PCDHGA12: variants seen among roughly 807,000 people sequenced by gnomAD.
PCDHGA12 encodes the protein protocadherin gamma-A12.
Under a neutral mutation model 61.1 loss-of-function variants are expected in PCDHGA12, and 43 were observed. The observed-to-expected ratio is 0.70, with a 90% CI of 0.55 to 0.91. The LOEUF is 0.91. Ranked by LOEUF, PCDHGA12 falls within the 40% of genes least tolerant of loss-of-function variation. PCDHGA12 has a pLI of 0.00. For missense variants in PCDHGA12, 1,236 were observed against 1,227.7 expected (o/e 1.01, Z -0.10); for synonymous variants, 520 against 542.9 (o/e 0.96, Z 0.59).
At position 141,511,181 on chromosome 5, in the gene PCDHGA12, G is replaced by A. The variant is rs1301391138; in HGVS notation, c.*8G>A. On this transcript the variant is annotated 3_prime_UTR_variant, in exon 4 of 4. Transcript: ENST00000252085. Reference sequence around the variant, plus strand: ...AAGAAGGAGAAGAAGTAACATGGAGGCCAGGCCAAGAGCCACAGGGCGGCC... The same window carrying A: ...AAGAAGGAGAAGAAGTAACATGGAGACCAGGCCAAGAGCCACAGGGCGGCC... 6.2e-7 allele frequency: 1 copy of A among 1,614,016 alleles called. No homozygotes were observed. The highest frequency in any genetic ancestry group is 1.7e-5 in the Admixed American group (1 of 60,016).
At chr5:141,503,936 C>G (rs2099834285) in intron 2 of PCDHGA12, among the ~76,000 whole-genome samples, 1 of 152,186 alleles carries the variant, frequency 6.6e-6, no homozygotes, top group Non-Finnish European at 1.5e-5. Flanking sequence ...CATTTTCATG[C>G]CTTCAAGGCC....
At chr5:141,452,742 G>C (rs779371001) in intron 1 of PCDHGA12, among the ~76,000 whole-genome samples, 7 of 152,010 alleles carry the variant, frequency 4.6e-5, no homozygotes, top group Non-Finnish European at 8.8e-5. Context: ...GGAAGAGAGA[G>C]AAGGAAGAAG....
chr5:141,481,065 AAAAG>A (rs1476331686), intron 1 of PCDHGA12, among the ~76,000 whole-genome samples: 1 of 152,164 alleles, frequency 6.6e-6, no homozygotes, highest in Non-Finnish European at 1.5e-5. Flanking sequence ...CTCAAAAACA[AAAAG>A]AAAGAAAGAA....
rs1481706003 is a variant in PCDHGA12, at chr5:141,491,416, G to A, written c.2425-3391G>A. On this transcript the variant is annotated intron_variant, in intron 1 of 3. Transcript: ENST00000252085. This position sits in a 1 kb window ranked among gnomAD's most constrained non-coding sequence, Gnocchi z 6.9. ...TCAGGGAAACGCAGACGGGGACGGG[G>A]GTGGAGGGCAGTGCTGCAGGCGCCA... 3 of 1,614,138 alleles carry A rather than the reference G, an allele frequency of 1.9e-6. No homozygotes were observed. The highest frequency in any genetic ancestry group is 2.2e-5 in the East Asian group (1 of 44,874).
intron 1 of PCDHGA12, chr5:141,440,642 A>G (rs1351979857): frequency 6.6e-6 from 1 of 152,234 alleles, no homozygotes; most frequent in African/African-American, 2.4e-5. Context: ...AATTCCTTAC[A>G]AAATTATCAC....
In PCDHGA12 at chr5:141,491,534, G is replaced by A. The variant is rs376996144; in HGVS notation, c.2425-3273G>A. On this transcript the variant is annotated intron_variant, in intron 1 of 3. Coordinates refer to ENST00000252085, the MANE Select transcript of PCDHGA12 (RefSeq NM_003735.3). This position sits in a 1 kb window ranked among gnomAD's most constrained non-coding sequence, Gnocchi z 6.9. The stretch of plus-strand genomic sequence containing the variant: ...CTCAAGTACATGGAGGTGACGCTGC[G>A]GCCCACAGACTCGCAGAGCCACTGC... The A allele has an allele frequency of 6.2e-7, 1 of 1,614,030 alleles. No homozygotes were observed. The highest frequency in any genetic ancestry group is 8.5e-7 in the Non-Finnish European group (1 of 1,180,028).
chr5:141,471,065 T>C (rs1355886133), intron 1 of PCDHGA12, among the ~76,000 whole-genome samples: 3 of 148,628 alleles, frequency 2.0e-5, no homozygotes, highest in Non-Finnish European at 3.0e-5. Context: ...TTTTTTTTTT[T>C]TGAGACAGGG....
Position 141,431,180 on chromosome 5 carries a change from A to C in PCDHGA12, c.421A>C (p.Lys141Gln). The C allele has an allele frequency of 6.2e-7, 1 of 1,614,246 alleles. No homozygotes were observed. The highest frequency in any genetic ancestry group is 8.5e-7 in the Non-Finnish European group (1 of 1,180,044). The change falls in exon 1 of 4, where the codon AAA becomes CAA. Residue 141 changes from lysine to glutamine, a missense_variant. Transcript: ENST00000252085. This position sits in a 1 kb window ranked among gnomAD's most constrained non-coding sequence, Gnocchi z 4.8. ...PYFRESELEI[K>Q]ISENAATEMR... is the part of the protein sequence containing the mutation. ...CTTTCGTGAAAGTGAATTAGAAATA[A>C]AAATTAGTGAAAATGCAGCCACTGA...
Position 141,477,102 on chromosome 5 carries a change from C to T in PCDHGA12, c.2425-17705C>T. 2.5e-6 allele frequency: 4 copies of T among 1,614,232 alleles called. No homozygotes were observed. The South Asian group carries it at 4.4e-5, about 18-fold the overall frequency. On this transcript the variant is annotated intron_variant, in intron 1 of 3. Coordinates refer to ENST00000252085, the MANE Select transcript of PCDHGA12 (RefSeq NM_003735.3). This position sits in a 1 kb window ranked among gnomAD's most constrained non-coding sequence, Gnocchi z 4.9. Reference sequence around the variant, plus strand: ...TACATCCAGGCCAAAGACAAGGGCGCCAATCCCGAAGGAGCACATTGCAAA... The same window carrying T: ...TACATCCAGGCCAAAGACAAGGGCGTCAATCCCGAAGGAGCACATTGCAAA...
At chr5:141,510,814 C>T in intron 3 of PCDHGA12, 133 bp from the exon 4 acceptor site, 2 of 1,544,688 alleles carry the variant, frequency 1.3e-6, no homozygotes, top group East Asian at 4.6e-5. Context: ...TTGGTGACCC[C>T]TATATTCCCA....
Position 141,486,998 on chromosome 5 carries a change from C to G in PCDHGA12, c.2425-7809C>G, listed in dbSNP as rs754609128. On this transcript the variant is annotated intron_variant, in intron 1 of 3. Coordinates refer to ENST00000252085, the MANE Select transcript of PCDHGA12 (RefSeq NM_003735.3). The surrounding 1 kb of genome is among the most constrained non-coding windows in gnomAD (Gnocchi z 5.0). ...AGGTTACAATGCTTGGGTTTCCTAT[C>G]AGCTCCTGGAGGCCCCAGATCCCAG... The G allele has an allele frequency of 6.2e-7, 1 of 1,614,206 alleles. No homozygotes were observed. Among genetic ancestry groups the G allele is most frequent in the Non-Finnish European group, 8.5e-7 (1 of 1,180,034 alleles).
chr5:141,498,565 G>C (rs2099784348), intron 2 of PCDHGA12, among the ~76,000 whole-genome samples: 1 of 152,044 alleles, frequency 6.6e-6, no homozygotes. Context: ...CTTCAAAGCA[G>C]GGCTAGTATT....
chr5:141,450,829 A>ATTTTTT (rs373424450), intron 1 of PCDHGA12, among the ~76,000 whole-genome samples: 1 of 135,126 alleles, frequency 7.4e-6, no homozygotes. Context: ...TATTATTATT[A>ATTTTTT]TTTTTTTTTT....
chr5:141,494,894 C>A, intron 2 of PCDHGA12, 29 bp downstream of exon 2: 1 of 1,614,116 alleles, frequency 6.2e-7, no homozygotes, highest in South Asian at 1.1e-5. Flanking sequence ...AGCCCACCCT[C>A]TTCTCTGCGG....
At chr5:141,447,957 A>T (rs1460497437) in intron 1 of PCDHGA12, among the ~76,000 whole-genome samples, 3 of 151,910 alleles carry the variant, frequency 2.0e-5, no homozygotes, top group African/African-American at 7.3e-5. Context: ...ATGGTGGCGG[A>T]CACCTATAAT....
rs2233602 is a variant in PCDHGA12, at chr5:141,490,032, C to T, written c.2425-4775C>T. 47,990 of 1,614,182 alleles carry T rather than the reference C, an allele frequency of 0.03. 1,413 individuals are homozygous for T. Among genetic ancestry groups the T allele is most frequent in the African/African-American group, 0.15 (11,444 of 75,040 alleles). On this transcript the variant is annotated intron_variant, in intron 1 of 3. Coordinates refer to ENST00000252085, the MANE Select transcript of PCDHGA12 (RefSeq NM_003735.3). The surrounding 1 kb of genome is among the most constrained non-coding windows in gnomAD (Gnocchi z 5.4). ...CCATTGGTACTCTGCTGCTCCGCCT[C>T]AATGCCACTGATCCAGACGAGGGCA...
Position 141,432,098 on chromosome 5 carries a change from G to A in PCDHGA12, c.1339G>A (p.Asp447Asn). 1.2e-6 allele frequency: 2 copies of A among 1,614,056 alleles called. No homozygotes were observed. Among genetic ancestry groups the A allele is most frequent in the Non-Finnish European group, 1.7e-6 (2 of 1,180,002 alleles). ...CTCGCTGAACGTGGCAGACACCAAC[G>A]ACAACCCGCCGGTCTTCCCTCAGGC... ...HISLNVADTNDNPPVFPQASY... is the reference protein window; with the variant it reads ...HISLNVADTNNNPPVFPQASY... Residue 447 changes from aspartate to asparagine, a missense_variant, in exon 1 of 4, where the codon GAC becomes AAC. Transcript: ENST00000252085. The surrounding 1 kb of genome is among the most constrained non-coding windows in gnomAD (Gnocchi z 6.0).
At position 141,477,493 on chromosome 5, in the gene PCDHGA12, A is replaced by G. The variant is rs2154575835; in HGVS notation, c.2425-17314A>G. ...ATGACAACCCTCCACAATCTTCTCA[A>G]TCTTCCTACGACGTTTACATTGAAG... On this transcript the variant is annotated intron_variant, in intron 1 of 3. Transcript: ENST00000252085. This position sits in a 1 kb window ranked among gnomAD's most constrained non-coding sequence, Gnocchi z 4.9. 6.2e-7 allele frequency: 1 copy of G among 1,613,976 alleles called. No individual in the cohort carries two copies. The highest frequency in any genetic ancestry group is 1.6e-4 in the Middle Eastern group (1 of 6,062).
At chr5:141,488,478 A>T (rs1251914951) in intron 1 of PCDHGA12, among the ~76,000 whole-genome samples, 5 of 152,072 alleles carry the variant, frequency 3.3e-5, no homozygotes, top group African/African-American at 4.8e-5. Flanking sequence ...ATGTTCCCCT[A>T]CCCAAAAACT....
Sources: allele counts gnomAD v4.1 joint callset (sites outside exome capture counted in the v4.1 genomes callset), GRCh38; gene constraint gnomAD v4.1.1; non-coding constraint Gnocchi (gnomAD v3.1); transcripts MANE v1.5; gene names NCBI Gene and HGNC (gene_info 2026-07-23, HGNC 2026-07-21).